Variants in IGF1R observed in about 807,000 individuals in gnomAD.
IGF1R encodes insulin-like growth factor 1 receptor.
IGF1R carries 44 observed loss-of-function variants against 144.6 expected under a neutral mutation model. The observed-to-expected ratio is 0.30, with a 90% confidence interval of 0.24 to 0.39. The LOEUF is 0.39. Among genes scored for constraint, IGF1R ranks in the 10% least tolerant of loss-of-function variants. The probability of loss-of-function intolerance (pLI) is 1.00; values close to 1 mark genes in which losing one functional copy is unlikely to be tolerated. For missense variants in IGF1R, 1,355 were observed against 1,833.7 expected, an observed-to-expected ratio of 0.74 and a Z score of 4.77; for synonymous variants, 795 against 722.8, an observed-to-expected ratio of 1.10 and a Z score of -1.60.
chr15:98,913,395 T>C (rs2015109836), intron 8 of IGF1R, 113 bp downstream of exon 8: 2 of 840,908 alleles, frequency 2.4e-6, no homozygotes, highest in Non-Finnish European at 4.2e-6. Flanking sequence ...GTTGTCTTTC[T>C]TGTCAATAGG....
chr15:98,871,403 T>A (rs1012331644), intron 2 of IGF1R, among the ~76,000 whole-genome samples: 22 of 152,238 alleles, frequency 1.4e-4, no homozygotes, highest in African/African-American at 5.3e-4. Flanking sequence ...AACAAGGGAC[T>A]TGCTTCTTCA....
At chr15:98,907,659 C>T (rs996091586) in intron 5 of IGF1R, among the ~76,000 whole-genome samples, 8 of 152,212 alleles carry the variant, frequency 5.3e-5, no homozygotes, top group African/African-American at 1.7e-4. Flanking sequence ...AGGCCCACTG[C>T]GGGGATCTTT....
chr15:98,942,441 C>G (rs920423717), intron 18 of IGF1R, among the ~76,000 whole-genome samples: 6 of 152,150 alleles, frequency 3.9e-5, no homozygotes, highest in African/African-American at 1.2e-4. Flanking sequence ...TCAAGTGATT[C>G]TTCCACCTTA....
intron 2 of IGF1R, among the ~76,000 whole-genome samples, chr15:98,791,953 A>C (rs1328151108): frequency 3.3e-5 from 5 of 152,228 alleles, no homozygotes; most frequent in African/African-American, 1.2e-4. Context: ...TACACAATCT[A>C]GCTATAGGTC....
In IGF1R at chr15:98,963,771, G is replaced by A. The variant is rs142414820; in HGVS notation, c.*6329G>A. 9.4e-3 allele frequency: 2,180 copies of A among 233,030 alleles called. 15 individuals are homozygous for A. The highest frequency in any genetic ancestry group is 0.013 in the Non-Finnish European group (1,536 of 117,908). 14.4% of individuals were successfully genotyped at this position (233,030 alleles called of 1,614,324 possible). ...CCTATTTTATTTAAGGCAGAACCCC[G>A]AAGATACGTATTTCCAATACAGAAA... On this transcript the variant is annotated 3_prime_UTR_variant, in exon 21 of 21. Coordinates refer to ENST00000650285, the MANE Select transcript of IGF1R (RefSeq NM_000875.5).
chr15:98,799,645 G>T (rs2056319707), intron 2 of IGF1R, among the ~76,000 whole-genome samples: 1 of 152,196 alleles, frequency 6.6e-6, no homozygotes, highest in Admixed American at 6.5e-5. Flanking sequence ...CGGCATGGGG[G>T]ACCGAGTGTG....
At chr15:98,661,183 A>G (rs1414709958) in intron 1 of IGF1R, among the ~76,000 whole-genome samples, 3 of 152,136 alleles carry the variant, frequency 2.0e-5, no homozygotes, top group Non-Finnish European at 4.4e-5. Context: ...TGAGGCCAGT[A>G]AGCTTTTGCC....
chr15:98,882,549 A>G (rs1342189128), intron 2 of IGF1R, among the ~76,000 whole-genome samples: 1 of 152,222 alleles, frequency 6.6e-6, no homozygotes, highest in Non-Finnish European at 1.5e-5. Context: ...TGTTGCTTGT[A>G]AACTGGGCCA....
At chr15:98,684,194 G>A (rs1429534186) in intron 1 of IGF1R, among the ~76,000 whole-genome samples, 1 of 152,146 alleles carries the variant, frequency 6.6e-6, no homozygotes, top group Non-Finnish European at 1.5e-5. Context: ...AAGCTTCTAA[G>A]ACATAAATTC....
Position 98,668,716 on chromosome 15 carries a change from T to G in IGF1R, c.94+19041T>G, listed in dbSNP as rs370628262. Among the ~76,000 whole-genome samples the G allele has an allele frequency of 3.3e-5, 5 of 152,228 alleles. No homozygotes were observed. The East Asian group carries it at 7.7e-4, about 23-fold the overall frequency. ...CACTCTCTGAAAACTCTGTTCCATGTAAGTACATTCCTCCTCTCTCCCCTC... is the reference window on the plus strand; with the variant it reads ...CACTCTCTGAAAACTCTGTTCCATGGAAGTACATTCCTCCTCTCTCCCCTC... On this transcript the variant is annotated intron_variant, in intron 1 of 20. Transcript: ENST00000650285.
chr15:98,687,219 T>G (rs745958572), intron 1 of IGF1R, among the ~76,000 whole-genome samples: 1 of 152,206 alleles, frequency 6.6e-6, no homozygotes, highest in Non-Finnish European at 1.5e-5. Flanking sequence ...CAGCTGCGCA[T>G]GGGATCACAG....
Position 98,856,988 on chromosome 15 carries a change from C to A in IGF1R, c.641-34337C>A, listed in dbSNP as rs549268773. Among the ~76,000 whole-genome samples the A allele has an allele frequency of 1.8e-3, 269 of 152,050 alleles. 2 individuals carry two copies. The highest frequency in any genetic ancestry group is 5.5e-3 in the African/African-American group (227 of 41,472). ...GATTTGCCCTTTCTCCTGTAAATGACCCCTTTCTCTTAAGTTTTGGGTGAG... is the reference window on the plus strand; with the variant it reads ...GATTTGCCCTTTCTCCTGTAAATGAACCCTTTCTCTTAAGTTTTGGGTGAG... On this transcript the variant is annotated intron_variant, in intron 2 of 20. Coordinates refer to ENST00000650285, the MANE Select transcript of IGF1R (RefSeq NM_000875.5).
chr15:98,849,804 A>G (rs1410344991), intron 2 of IGF1R, among the ~76,000 whole-genome samples: 1 of 152,236 alleles, frequency 6.6e-6, no homozygotes, highest in Non-Finnish European at 1.5e-5. Flanking sequence ...CTAAGCATAG[A>G]AAAAAAGTTT....
At chr15:98,661,302 T>C (rs980827690) in intron 1 of IGF1R, among the ~76,000 whole-genome samples, 1 of 152,162 alleles carries the variant, frequency 6.6e-6, no homozygotes, top group Non-Finnish European at 1.5e-5. Flanking sequence ...GACAGTGTCC[T>C]GGTAGGGCGA....
chr15:98,837,366 CA>C (rs1483590098), intron 2 of IGF1R, among the ~76,000 whole-genome samples: 1 of 152,152 alleles, frequency 6.6e-6, no homozygotes, highest in African/African-American at 2.4e-5. Context: ...AGCCTCCTCC[CA>C]AGTAGCTGGG....
chr15:98,931,544 T>C (rs1296956173), intron 15 of IGF1R, among the ~76,000 whole-genome samples: 2 of 152,208 alleles, frequency 1.3e-5, no homozygotes, highest in South Asian at 2.1e-4. Context: ...ACTTTATTTC[T>C]ATCTACATAA....
intron 2 of IGF1R, among the ~76,000 whole-genome samples, chr15:98,796,482 C>T (rs551133790): frequency 6.6e-6 from 1 of 152,172 alleles, no homozygotes; most frequent in East Asian, 1.9e-4. Flanking sequence ...AGCTGAGAAT[C>T]CTGCAGGGAG....
chr15:98,892,640 T>G (rs2013985894), intron 3 of IGF1R, among the ~76,000 whole-genome samples: 1 of 152,174 alleles, frequency 6.6e-6, no homozygotes, highest in South Asian at 2.1e-4. Flanking sequence ...GAAAATAAGA[T>G]GTTAGCATTG....
At chr15:98,686,193 G>C (rs2053324196) in intron 1 of IGF1R, among the ~76,000 whole-genome samples, 1 of 152,174 alleles carries the variant, frequency 6.6e-6, no homozygotes, top group South Asian at 2.1e-4. Flanking sequence ...GTTCATTCAG[G>C]CTGTAGCATG....
Sources: allele counts gnomAD v4.1 joint callset (sites outside exome capture counted in the v4.1 genomes callset), GRCh38; gene constraint gnomAD v4.1.1; transcripts MANE v1.5; gene names NCBI Gene and HGNC (gene_info 2026-07-23, HGNC 2026-07-21).